Variants in ADGRG4 observed in about 807,000 individuals in gnomAD.
The protein encoded by ADGRG4 is adhesion G protein-coupled receptor G4.
Under a neutral mutation model 126.2 loss-of-function variants are expected in ADGRG4, and 122 were observed. That is an observed-to-expected ratio of 0.97 (90% CI 0.83 to 1.12). The LOEUF (loss-of-function observed/expected upper bound fraction) is 1.12. ADGRG4 is among the 50% of genes most tolerant of loss of function. ADGRG4 has a pLI of 0.00. For synonymous variants in ADGRG4, 943 were observed against 838.7 expected (o/e 1.12, Z -2.15); for missense variants, 2,481 against 2,251.8 (o/e 1.10, Z -2.06).
At chrX:136,405,401 G>A (rs1223791356) in intron 22 of ADGRG4, among the ~76,000 whole-genome samples, 4 of 111,354 alleles carry the variant, frequency 3.6e-5, no homozygotes, top group African/African-American at 9.8e-5. Context: ...TGCTGTTAAC[G>A]AAGAGAACCA....
At chrX:136,414,626 C>T (rs2075466877) in intron 25 of ADGRG4, among the ~76,000 whole-genome samples, 1 of 112,620 alleles carries the variant, frequency 8.9e-6, no homozygotes, top group African/African-American at 3.2e-5. Context: ...AAACAATTGT[C>T]ACAGACCATT....
intron 16 of ADGRG4, among the ~76,000 whole-genome samples, chrX:136,388,276 C>T (rs867114474): frequency 2.7e-5 from 3 of 112,072 alleles, no homozygotes; most frequent in Admixed American, 1.9e-4. Context: ...TGGGTGGTAT[C>T]CAGAAGGACA....
At chrX:136,411,859 C>T (rs755065380) in intron 23 of ADGRG4, among the ~76,000 whole-genome samples, 1 of 112,740 alleles carries the variant, frequency 8.9e-6, no homozygotes, top group African/African-American at 3.2e-5. Context: ...TACTTGGCTT[C>T]CTTCAGAGTG....
intron 13 of ADGRG4, among the ~76,000 whole-genome samples, chrX:136,364,517 A>G (rs762995750): frequency 4.5e-5 from 5 of 112,019 alleles, no homozygotes; most frequent in African/African-American, 1.3e-4. Flanking sequence ...AATGTGCCAC[A>G]ATTTATTTAA....
chrX:136,380,870 C>T (rs1377449458), intron 15 of ADGRG4, among the ~76,000 whole-genome samples: 1 of 108,243 alleles, frequency 9.2e-6, no homozygotes. Flanking sequence ...TACCACCACA[C>T]CTGGCTAATT....
chrX:136,362,857 T>G (rs967427221), intron 12 of ADGRG4, among the ~76,000 whole-genome samples: 3 of 111,582 alleles, frequency 2.7e-5, no homozygotes, highest in African/African-American at 9.8e-5. Context: ...AAGTTTCGAG[T>G]AGTTACACTT....
chrX:136,357,798 A>G, intron 10 of ADGRG4, 42 bp downstream of exon 10: 1 of 937,076 alleles, frequency 1.1e-6, no homozygotes, highest in Middle Eastern at 2.7e-4. Context: ...TGGCACATTT[A>G]GTTCTGATTT....
At chrX:136,335,046 G>T (rs190731848) in intron 5 of ADGRG4, among the ~76,000 whole-genome samples, 3 of 111,245 alleles carry the variant, frequency 2.7e-5, no homozygotes, top group East Asian at 5.6e-4. Context: ...CACTTACCAT[G>T]TTGCTAAAAA....
At position 136,313,710 on chromosome X, in the gene ADGRG4, A is replaced by G. The variant is rs6635261; in HGVS notation, c.70+4863A>G. Among the ~76,000 whole-genome samples the G allele has an allele frequency of 4.5e-5, 5 of 111,882 alleles. No homozygotes were observed. In the East Asian group the frequency reaches 1.4e-3, roughly 32 times the overall value. ...TCAACAGTAAAAATATTGACAGGGA[A>G]TTGCATAGGCTGAAAAGTAGGTCTG... On this transcript the variant is annotated intron_variant, in intron 4 of 25. Coordinates refer to ENST00000394143, the MANE Select transcript of ADGRG4 (RefSeq NM_153834.4).
At position 136,316,592 on chromosome X, in the gene ADGRG4, C is replaced by T. The variant is rs369695792; in HGVS notation, c.71-6186C>T. 1.7e-4 allele frequency among the ~76,000 whole-genome samples: 19 copies of T among 111,287 alleles called. No individual in the cohort carries two copies. The East Asian group carries it at 5.1e-3, about 30-fold the overall frequency. The stretch of plus-strand genomic sequence containing the variant: ...AAGTGATTCTCCTGCCTCAGCCTCC[C>T]GAGTAGCTGGGATTAAAGGCATCTG... On this transcript the variant is annotated intron_variant, in intron 4 of 25. Transcript: ENST00000394143.
intron 4 of ADGRG4, among the ~76,000 whole-genome samples, chrX:136,322,573 A>C (rs1338649722): frequency 8.9e-6 from 1 of 111,899 alleles, no homozygotes; most frequent in Non-Finnish European, 1.9e-5. Flanking sequence ...ATAATTAGGA[A>C]GAAACTCTTC....
Position 136,367,503 on chromosome X carries a change from A to G in ADGRG4, c.7397-3825A>G, listed in dbSNP as rs554683546. Among the ~76,000 whole-genome samples the G allele has an allele frequency of 3.6e-3, 400 of 112,556 alleles. 1 individual carries two copies. Among genetic ancestry groups the G allele is most frequent in the Middle Eastern group, 9.1e-3 (2 of 219 alleles). ...TGCAAGAAAAAGTTAATAAACAGTCATAACAACAACAAAAACACTGCACTG... is the reference window on the plus strand; with the variant it reads ...TGCAAGAAAAAGTTAATAAACAGTCGTAACAACAACAAAAACACTGCACTG... On this transcript the variant is annotated intron_variant, in intron 13 of 25. Coordinates refer to ENST00000394143, the MANE Select transcript of ADGRG4 (RefSeq NM_153834.4).
intron 4 of ADGRG4, 90 bp from the exon 5 acceptor site, chrX:136,322,688 C>T: frequency 1.2e-6 from 1 of 803,175 alleles, no homozygotes; most frequent in Non-Finnish European, 1.8e-6. Context: ...ATTGTATAAC[C>T]CAGATTTGAC....
chrX:136,387,897 T>A, intron 16 of ADGRG4, 23 bp downstream of exon 16: 1 of 1,174,199 alleles, frequency 8.5e-7, no homozygotes, highest in Non-Finnish European at 1.2e-6. Context: ...CTGTGGTAAC[T>A]GTGATGAACT....
At chrX:136,380,249 G>A (rs2075251606) in intron 15 of ADGRG4, among the ~76,000 whole-genome samples, 2 of 109,937 alleles carry the variant, frequency 1.8e-5, no homozygotes, top group Admixed American at 1.9e-4. Context: ...ACAAGCCTTA[G>A]GAAGGATTTG....
chrX:136,388,186 T>G (rs902783227), intron 16 of ADGRG4, among the ~76,000 whole-genome samples: 1 of 112,160 alleles, frequency 8.9e-6, no homozygotes, highest in African/African-American at 3.2e-5. Context: ...ATGTTTCGGC[T>G]TATCAGTGCT....
chrX:136,369,958 A>C (rs1006068274), intron 13 of ADGRG4, among the ~76,000 whole-genome samples: 2 of 111,337 alleles, frequency 1.8e-5, no homozygotes, highest in African/African-American at 6.5e-5. Context: ...AGTTGTTTGC[A>C]GGAAAAAAAA....
rs2075316985 is a variant in ADGRG4 at position 136,391,060 on chromosome X, G to T, written c.7912-1172G>T. 2.7e-5 allele frequency among the ~76,000 whole-genome samples: 3 copies of T among 111,271 alleles called. No individual in the cohort carries two copies. The Admixed American group carries it at 2.9e-4, about 11-fold the overall frequency. ...GAATGAACAGAACAGGTCAGAAACAGGAAGTAAGTAGAGTCCTAGTGGAGC... is the reference window on the plus strand; with the variant it reads ...GAATGAACAGAACAGGTCAGAAACATGAAGTAAGTAGAGTCCTAGTGGAGC... On this transcript the variant is annotated intron_variant, in intron 16 of 25. Transcript: ENST00000394143.
intron 11 of ADGRG4, among the ~76,000 whole-genome samples, 186 bp from the exon 12 acceptor site, chrX:136,361,269 G>T (rs947882554): frequency 9.2e-6 from 1 of 109,148 alleles, no homozygotes; most frequent in African/African-American, 3.3e-5. Context: ...TTTCAATAAG[G>T]CCTGGTCCAA....
Sources: allele counts gnomAD v4.1 joint callset (sites outside exome capture counted in the v4.1 genomes callset), GRCh38; gene constraint gnomAD v4.1.1; transcripts MANE v1.5; gene names NCBI Gene and HGNC (gene_info 2026-07-23, HGNC 2026-07-21).